The following ZRANB3 variants were observed in gnomAD, a reference collection of about 807,000 sequenced individuals.
The protein encoded by ZRANB3 is DNA annealing helicase and endonuclease ZRANB3.
In ZRANB3, 125 loss-of-function variants were observed where a neutral mutation model predicts 133.8. The observed-to-expected ratio is 0.93, with a 90% CI of 0.81 to 1.08. ZRANB3 has a LOEUF of 1.08. ZRANB3 is among the 50% of genes least tolerant of loss of function. The pLI, the probability that ZRANB3 is intolerant of heterozygous loss-of-function variation, is 0.00. For missense variants in ZRANB3, 1,229 were observed against 1,275.5 expected (o/e 0.96, Z 0.56); for synonymous variants, 387 against 432.7 (o/e 0.89, Z 1.31).
In ZRANB3 at chr2:135,230,752, T is replaced by C. The variant is rs1694974366; in HGVS notation, c.1715A>G (p.Glu572Gly). 1.9e-6 allele frequency: 3 copies of C among 1,613,702 alleles called. No homozygotes were observed. The highest frequency in any genetic ancestry group is 2.5e-6 in the Non-Finnish European group (3 of 1,179,860). ...CAATTTCAATCTTTTCGTTTCAGGT[T>C]CAACATCACTTTCATAATCGATGAT... ...RDIIDYESDVEPETKRLKLAA... is the reference protein window; with the variant it reads ...RDIIDYESDVGPETKRLKLAA... Residue 572 changes from glutamate (E) to glycine (G), a missense_variant, in exon 13 of 21, where the codon GAA becomes GGA. Glu to Gly is a moderately conservative substitution (Grantham distance 98, BLOSUM62 -2). Coordinates refer to ENST00000264159, the MANE Select transcript of ZRANB3 (RefSeq NM_032143.4).
chr2:135,377,646 G>T (rs1226436272), intron 3 of ZRANB3, among the ~76,000 whole-genome samples: 1 of 152,148 alleles, frequency 6.6e-6, no homozygotes, highest in African/African-American at 2.4e-5. Context: ...TTAACTCAAA[G>T]TATACAATTA....
At chr2:135,229,512 C>T (rs949561063) in intron 13 of ZRANB3, among the ~76,000 whole-genome samples, 2 of 151,576 alleles carry the variant, frequency 1.3e-5, no homozygotes, top group South Asian at 2.1e-4. Context: ...GGACTACAGG[C>T]GCCCGCTACC....
intron 2 of ZRANB3, among the ~76,000 whole-genome samples, chr2:135,392,791 G>A (rs1328056941): frequency 6.6e-6 from 1 of 151,980 alleles, no homozygotes; most frequent in African/African-American, 2.4e-5. Flanking sequence ...AGCATTTGGA[G>A]TAAATAAATT....
chr2:135,471,866 T>C (rs1389131110), intron 2 of ZRANB3, among the ~76,000 whole-genome samples: 1 of 152,214 alleles, frequency 6.6e-6, no homozygotes, highest in Non-Finnish European at 1.5e-5. Context: ...AAATCAGTCA[T>C]TACATGACTA....
intron 8 of ZRANB3, among the ~76,000 whole-genome samples, chr2:135,312,944 C>G (rs1393075259): frequency 6.6e-6 from 1 of 150,596 alleles, no homozygotes; most frequent in Non-Finnish European, 1.5e-5. Context: ...TGCTTGAACC[C>G]AGGAGGTGGA....
intron 3 of ZRANB3, among the ~76,000 whole-genome samples, chr2:135,370,875 C>T (rs1347724840): frequency 3.3e-5 from 5 of 152,130 alleles, no homozygotes; most frequent in East Asian, 1.9e-4. Context: ...TCATGCTGTT[C>T]GCATGATAAT....
intron 12 of ZRANB3, among the ~76,000 whole-genome samples, chr2:135,265,076 T>G (rs1460959415): frequency 6.6e-6 from 1 of 152,202 alleles, no homozygotes; most frequent in Non-Finnish European, 1.5e-5. Flanking sequence ...TTGACTTGTT[T>G]ATGCTTTACT....
chr2:135,470,348 T>G (rs756805109), intron 2 of ZRANB3, among the ~76,000 whole-genome samples: 33 of 148,438 alleles, frequency 2.2e-4, no homozygotes, highest in Admixed American at 3.4e-4. Flanking sequence ...TCTAAAATAC[T>G]CTAAAAGTAG....
intron 12 of ZRANB3, among the ~76,000 whole-genome samples, chr2:135,231,136 T>A (rs1002162142): frequency 2.0e-5 from 3 of 152,120 alleles, no homozygotes; most frequent in African/African-American, 4.8e-5. Flanking sequence ...TGTGTCTAAC[T>A]TTTTTCTCAG....
chr2:135,358,540 C>T (rs192003160), intron 3 of ZRANB3, among the ~76,000 whole-genome samples: 2 of 152,170 alleles, frequency 1.3e-5, no homozygotes. Context: ...CTGTTCCCAG[C>T]TATCATATCA....
intron 2 of ZRANB3, among the ~76,000 whole-genome samples, chr2:135,501,726 A>C (rs1037276441): frequency 2.6e-5 from 4 of 152,142 alleles, no homozygotes; most frequent in African/African-American, 9.7e-5. Context: ...AGTCCAGGTC[A>C]GTTGTCTTGA....
At chr2:135,490,658 GA>G (rs1357958185) in intron 2 of ZRANB3, among the ~76,000 whole-genome samples, 3 of 152,112 alleles carry the variant, frequency 2.0e-5, no homozygotes, top group Non-Finnish European at 2.9e-5. Flanking sequence ...ATATCCAAAA[GA>G]AGAGAAATCA....
chr2:135,296,397 T>A (rs1252409218), intron 8 of ZRANB3, among the ~76,000 whole-genome samples: 1 of 152,242 alleles, frequency 6.6e-6, no homozygotes, highest in East Asian at 1.9e-4. Context: ...GCCTTCGTCA[T>A]GCAGCTCTCG....
At chr2:135,203,066 G>T (rs1198855156) in intron 19 of ZRANB3, 103 bp from the exon 20 acceptor site, 1 of 1,378,416 alleles carries the variant, frequency 7.3e-7, no homozygotes, top group Non-Finnish European at 9.8e-7. Context: ...GAAAATCATG[G>T]GGAAAAATAC....
In ZRANB3 at chr2:135,420,857, T is replaced by C. The variant is rs527732916; in HGVS notation, c.162-30037A>G. Among the ~76,000 whole-genome samples, 44 of 152,322 alleles carry C rather than the reference T, an allele frequency of 2.9e-4. 1 individual carries two copies. Among genetic ancestry groups the C allele is most frequent in the African/African-American group, 1.1e-3 (44 of 41,586 alleles). ...AATTAAAGGAAAATTTTAGGCTAGA[T>C]ACATATTGTTCAGTTCTATGGGTCT... On this transcript the variant is annotated intron_variant, in intron 2 of 20. Coordinates refer to ENST00000264159, the MANE Select transcript of ZRANB3 (RefSeq NM_032143.4).
intron 2 of ZRANB3, among the ~76,000 whole-genome samples, chr2:135,402,293 CTCT>C (rs1425479092): frequency 7.0e-6 from 1 of 143,650 alleles, no homozygotes; most frequent in African/African-American, 2.8e-5. Flanking sequence ...CATTCTTTCT[CTCT>C]TTTTTTTTTT....
chr2:135,287,802 G>A (rs1681459467), intron 8 of ZRANB3, among the ~76,000 whole-genome samples: 1 of 149,646 alleles, frequency 6.7e-6, no homozygotes, highest in African/African-American at 2.5e-5. Flanking sequence ...AAACTTTACT[G>A]AATTCATTTA....
At chr2:135,459,376 C>T (rs530112522) in intron 2 of ZRANB3, among the ~76,000 whole-genome samples, 1 of 152,196 alleles carries the variant, frequency 6.6e-6, no homozygotes, top group African/African-American at 2.4e-5. Context: ...ATGTCAGTGC[C>T]CAGCTTGCCT....
chr2:135,207,405 C>G, intron 19 of ZRANB3, 29 bp downstream of exon 19: 1 of 1,569,002 alleles, frequency 6.4e-7, no homozygotes, highest in African/African-American at 1.4e-5. Flanking sequence ...ACAATGCTGC[C>G]TTCTATCTAT....
Sources: gnomAD v4.1 joint callset for allele counts (sites outside exome capture counted in the v4.1 genomes callset) on GRCh38, gnomAD v4.1.1 for gene constraint, MANE v1.5 for transcripts, NCBI Gene and HGNC (gene_info 2026-07-23, HGNC 2026-07-21) for gene names.